The following HPS5 variants were observed in gnomAD, a reference collection of about 807,000 sequenced individuals.
HPS5 encodes BLOC-2 complex member HPS5.
Under a neutral mutation model 128.0 loss-of-function variants are expected in HPS5, and 83 were observed. The ratio of observed to expected loss-of-function variants is 0.65; its 90% CI spans 0.54 to 0.78. The LOEUF (loss-of-function observed/expected upper bound fraction) is 0.78. Among genes scored for constraint, HPS5 ranks in the 30% least tolerant of loss-of-function variants. The probability of loss-of-function intolerance (pLI) is 0.00; values close to 1 mark genes in which losing one functional copy is unlikely to be tolerated. For missense variants in HPS5, 1,281 were observed against 1,326.2 expected, an observed-to-expected ratio of 0.97 and a Z score of 0.53; for synonymous variants, 475 against 470.2, an observed-to-expected ratio of 1.01 and a Z score of -0.13.
At position 18,287,631 on chromosome 11, in the gene HPS5, A is replaced by C; in HGVS notation, c.2621T>G (p.Ile874Ser). 1 of 1,614,138 alleles carries C rather than the reference A, an allele frequency of 6.2e-7. No individual in the cohort carries two copies. Among genetic ancestry groups the C allele is most frequent in the Non-Finnish European group, 8.5e-7 (1 of 1,179,964 alleles). ...AAGTTGTATGATATCCGATGGCAAA[A>C]TGGATGGAAAGAACTTGATTAAGGA... is the stretch of plus-strand genomic sequence containing the variant. The part of the protein sequence containing the change: ...LRSLIKFFPS[I>S]LPSDIIQLCH... Residue 874 changes from isoleucine to serine, a missense_variant, in exon 18 of 23, where the codon ATT becomes AGT. Ile to Ser is a moderately radical substitution (Grantham distance 142). Transcript: ENST00000349215.
chr11:18,281,993 T>A lies in HPS5; in HGVS notation c.3286A>T (p.Thr1096Ser). 6.2e-7 allele frequency: 1 copy of A among 1,614,198 alleles called. No individual in the cohort carries two copies. The highest frequency in any genetic ancestry group is 8.5e-7 in the Non-Finnish European group (1 of 1,180,040). Residue 1096 changes from threonine to serine, a missense_variant, in exon 22 of 23, where the codon ACC becomes TCC. Physicochemically the swap from Thr to Ser is moderately conservative, Grantham distance 58 (BLOSUM62 1). Coordinates refer to ENST00000349215, the MANE Select transcript of HPS5 (RefSeq NM_181507.2). ...GLALELSEKFTRTCDILRIAE... is the reference protein window; with the variant it reads ...GLALELSEKFSRTCDILRIAE... ...ATCCTCAGGATATCGCAGGTTCTGGTAAACTTCTCTGACAACTCAAGGGCC... is the reference window on the plus strand; with the variant it reads ...ATCCTCAGGATATCGCAGGTTCTGGAAAACTTCTCTGACAACTCAAGGGCC...
intron 12 of HPS5, chr11:18,296,335 T>A: frequency 1.7e-6 from 1 of 579,846 alleles, no homozygotes. Flanking sequence ...TTCATTTGCC[T>A]ACTAACCCTG....
rs1401021489 is a variant in HPS5 at position 18,310,901 on chromosome 11, T to G, written c.317A>C (p.Gln106Pro). The change falls in exon 5 of 23, where the codon CAA becomes CCA. Residue 106 changes from glutamine (Q) to proline (P), a missense_variant. Physicochemically the swap from Gln to Pro is moderately conservative, Grantham distance 76. Coordinates refer to ENST00000349215, the MANE Select transcript of HPS5 (RefSeq NM_181507.2). The stretch of plus-strand genomic sequence containing the variant: ...TTGTTCCGGTTTCCCACGACGCTCT[T>G]GATTTAATTCCCAAACAACCACAAG... Reference protein sequence around the residue: ...QGLVVVWELNQERRGKPEQMY... With the variant: ...QGLVVVWELNPERRGKPEQMY... 6 of 1,614,064 alleles carry G rather than the reference T, an allele frequency of 3.7e-6. No individual in the cohort carries two copies. In the African/African-American group the frequency reaches 6.7e-5, roughly 18 times the overall value.
chr11:18,313,106 A>G (rs1863193058), intron 2 of HPS5, among the ~76,000 whole-genome samples: 1 of 152,226 alleles, frequency 6.6e-6, no homozygotes, highest in Admixed American at 6.5e-5. Flanking sequence ...GGTACTGGTT[A>G]TGAAACTTTG....
chr11:18,315,610 C>T (rs2133888360), intron 2 of HPS5, among the ~76,000 whole-genome samples: 1 of 148,796 alleles, frequency 6.7e-6, no homozygotes, highest in South Asian at 2.1e-4. Context: ...GAAACTCTAT[C>T]TTAAAAAAAA....
At position 18,288,022 on chromosome 11, in the gene HPS5, T is replaced by C. The variant is rs1590061196; in HGVS notation, c.2441-9A>G. ...ATTGGAACTTGCCATTTCTGAAATA[T>C]AAAGCATATCCTTTTCCAAACTTTA... On this transcript the variant is annotated splice_polypyrimidine_tract_variant and intron_variant, in intron 16 of 22. Coordinates refer to ENST00000349215, the MANE Select transcript of HPS5 (RefSeq NM_181507.2). 1.2e-6 allele frequency: 2 copies of C among 1,613,504 alleles called. No homozygotes were observed. The highest frequency in any genetic ancestry group is 1.7e-6 in the Non-Finnish European group (2 of 1,179,792).
rs574543805 is a variant in HPS5, at chr11:18,290,333, T to A, written c.2440+1109A>T. 5.3e-5 allele frequency among the ~76,000 whole-genome samples: 8 copies of A among 152,356 alleles called. No homozygotes were observed. The Middle Eastern group carries it at 0.017, about 324-fold the overall frequency. Reference sequence around the variant, plus strand: ...ATGAGTTACTTCATTATCAGATATTTATTACAGCAGTTTAGCTACCTAAGA... The same window carrying A: ...ATGAGTTACTTCATTATCAGATATTAATTACAGCAGTTTAGCTACCTAAGA... On this transcript the variant is annotated intron_variant, in intron 16 of 22. Coordinates refer to ENST00000349215, the MANE Select transcript of HPS5 (RefSeq NM_181507.2).
chr11:18,296,456 T>G (rs1861078932), intron 12 of HPS5: 1 of 560,004 alleles, frequency 1.8e-6, no homozygotes. Flanking sequence ...CCCCAAAAAC[T>G]GCAGTAATTT....
At chr11:18,296,715 C>T (rs1447533380) in intron 12 of HPS5, 83 bp downstream of exon 12, 10 of 1,246,380 alleles carry the variant, frequency 8.0e-6, no homozygotes, top group South Asian at 3.6e-5. Context: ...AGAGAAATTC[C>T]GTGCACAAGA....
intron 2 of HPS5, among the ~76,000 whole-genome samples, chr11:18,313,482 CTCT>C (rs1863235671): frequency 6.6e-6 from 1 of 152,208 alleles, no homozygotes; most frequent in African/African-American, 2.4e-5. Flanking sequence ...CAGAATCTGC[CTCT>C]TCTTTTCCTT....
intron 22 of HPS5, chr11:18,280,430 A>G: frequency 1.7e-6 from 1 of 584,920 alleles, no homozygotes; most frequent in Non-Finnish European, 3.0e-6. Flanking sequence ...ACTCTTGTGC[A>G]CTGCTGGCAG....
intron 4 of HPS5, 131 bp from the exon 5 acceptor site, chr11:18,311,064 A>G (rs1185762358): frequency 4.0e-6 from 3 of 743,252 alleles, no homozygotes; most frequent in Non-Finnish European, 7.1e-6. Context: ...TATTATAAAA[A>G]GTCAAGGTAT....
chr11:18,306,666 A>G (rs1025458862), intron 6 of HPS5, among the ~76,000 whole-genome samples: 15 of 152,228 alleles, frequency 9.9e-5, no homozygotes, highest in Admixed American at 6.5e-4. Context: ...ACTATTTCGT[A>G]CATCCTTGAA....
chr11:18,305,788 A>C (rs1862285264), intron 7 of HPS5, among the ~76,000 whole-genome samples: 2 of 146,742 alleles, frequency 1.4e-5, no homozygotes, highest in South Asian at 4.2e-4. Context: ...GCTGGAGTGC[A>C]GTGGCACAAT....
At chr11:18,315,967 G>A (rs1863575968) in intron 2 of HPS5, among the ~76,000 whole-genome samples, 2 of 152,106 alleles carry the variant, frequency 1.3e-5, no homozygotes, top group Admixed American at 1.3e-4. Context: ...ATGAAAGAGG[G>A]TACACACAGC....
At chr11:18,301,406 T>C (rs1053561057) in intron 8 of HPS5, among the ~76,000 whole-genome samples, 1 of 145,270 alleles carries the variant, frequency 6.9e-6, no homozygotes, top group Non-Finnish European at 1.5e-5. Context: ...TGAGCCAAGA[T>C]TGTGCCACTG....
At chr11:18,316,777 A>T (rs1412400561) in intron 2 of HPS5, among the ~76,000 whole-genome samples, 2 of 152,232 alleles carry the variant, frequency 1.3e-5, no homozygotes, top group African/African-American at 2.4e-5. Flanking sequence ...AGGAATTCTC[A>T]TTGGCTTACA....
At chr11:18,308,774 C>T (rs1448874252) in intron 6 of HPS5, among the ~76,000 whole-genome samples, 172 bp downstream of exon 6, 1 of 152,054 alleles carries the variant, frequency 6.6e-6, no homozygotes, top group African/African-American at 2.4e-5. Flanking sequence ...CATGATCACA[C>T]CACTGCACTC....
chr11:18,315,885 T>C (rs1011210510), intron 2 of HPS5, among the ~76,000 whole-genome samples: 4 of 152,164 alleles, frequency 2.6e-5, no homozygotes, highest in Non-Finnish European at 4.4e-5. Flanking sequence ...ACTTGCTAGG[T>C]CTATTCATTC....
Sources: gnomAD v4.1 joint callset for allele counts (sites outside exome capture counted in the v4.1 genomes callset) on GRCh38, gnomAD v4.1.1 for gene constraint, MANE v1.5 for transcripts, NCBI Gene and HGNC (gene_info 2026-07-23, HGNC 2026-07-21) for gene names.